IRS4: variants seen among roughly 807,000 people sequenced by gnomAD.
IRS4 encodes 160 kDa phosphotyrosine protein.
Under a neutral mutation model 48.6 loss-of-function variants are expected in IRS4, and 15 were observed. That is an observed-to-expected ratio of 0.31 (90% CI 0.21 to 0.48). The LOEUF (loss-of-function observed/expected upper bound fraction) is 0.48, where lower values mean the gene tolerates loss of function less well. Among genes scored for constraint, IRS4 ranks in the 20% least tolerant of loss-of-function variants. The probability of loss-of-function intolerance (pLI) is 0.99; values close to 1 mark genes in which losing one functional copy is unlikely to be tolerated. For missense variants in IRS4, 987 were observed against 1,023.4 expected (o/e 0.96, Z 0.49); for synonymous variants, 459 against 413.2 (o/e 1.11, Z -1.34).
In IRS4 at chrX:108,734,612, T is replaced by G. The variant is rs760432871; in HGVS notation, c.1733A>C (p.Asp578Ala). 5 of 1,210,764 alleles carry G rather than the reference T, an allele frequency of 4.1e-6. No individual in the cohort carries two copies. In the South Asian group the frequency reaches 7.0e-5, roughly 17 times the overall value. ...HGSGGGQGPGDGHGSGGGKNS... is the reference protein window; with the variant it reads ...HGSGGGQGPGAGHGSGGGKNS... ...CTTGCCACCACCTGAGCCATGGCCA[T>G]CTCCAGGTCCCTGGCCACCACCTGA... Residue 578 changes from aspartate to alanine, a missense_variant, in exon 1 of 2, where the codon GAT (aspartate) becomes GCT (alanine). Physicochemically the swap from Asp to Ala is moderately radical, Grantham distance 126. Transcript: ENST00000372129.
At chrX:108,728,596 G>C (rs755003712) in intron 1 of IRS4, among the ~76,000 whole-genome samples, 1 of 112,066 alleles carries the variant, frequency 8.9e-6, no homozygotes, top group South Asian at 3.7e-4. Flanking sequence ...GTAAAATAAT[G>C]AATGTGAATG....
At chrX:108,723,216 C>T (rs989673470) in intron 1 of IRS4, 3 of 111,670 alleles carry the variant, frequency 2.7e-5, no homozygotes, top group Non-Finnish European at 5.6e-5. Context: ...ATCAGGTCAC[C>T]ACAAAGTACC....
chrX:108,731,716 T>A (rs1385696625), intron 1 of IRS4, among the ~76,000 whole-genome samples: 3 of 111,941 alleles, frequency 2.7e-5, no homozygotes. Flanking sequence ...GATATATGAA[T>A]TAAATGTTTT....
In IRS4 at chrX:108,736,383, G is replaced by T. The variant is rs201968381; in HGVS notation, c.-39C>A. 2 of 1,206,599 alleles carry T rather than the reference G, an allele frequency of 1.7e-6. No homozygotes were observed. Among genetic ancestry groups the T allele is most frequent in the Non-Finnish European group, 2.2e-6 (2 of 894,146 alleles). ...GGTTTTAAGGTGAGCGAGGAGGAGG[G>T]GGAATTCAGGAAAGGGAGGGTTGGG... On this transcript the variant is annotated 5_prime_UTR_variant, in exon 1 of 2. Coordinates refer to ENST00000372129, the MANE Select transcript of IRS4 (RefSeq NM_001379150.1).
intron 1 of IRS4, 40 bp downstream of exon 1, chrX:108,732,539 G>T: frequency 8.3e-7 from 1 of 1,210,076 alleles, no homozygotes; most frequent in South Asian, 1.8e-5. Flanking sequence ...ATTAGACAAT[G>T]ACCATTCACT....
chrX:108,733,546 T>G lies in IRS4; in HGVS notation c.2799A>C (p.Thr933=), dbSNP rs1435177218. 1 of 1,211,413 alleles carries G rather than the reference T, an allele frequency of 8.3e-7. No homozygotes were observed. The highest frequency in any genetic ancestry group is 1.1e-6 in the Non-Finnish European group (1 of 894,847). ...NMDFTKRESN[T]PAPSTQGLPD... is the part of the protein sequence containing the mutation. ...GTAGTCCTTGAGTAGAGGGAGCTGG[T>G]GTATTGCTCTCTCTTTTAGTGAAGT... The change falls in exon 1 of 2, where the codon ACA becomes ACC. Residue 933 remains threonine (T), a synonymous_variant. Coordinates refer to ENST00000372129, the MANE Select transcript of IRS4 (RefSeq NM_001379150.1).
chrX:108,726,311 T>A (rs2068875110), intron 1 of IRS4: 1 of 112,012 alleles, frequency 8.9e-6, no homozygotes, highest in African/African-American at 3.2e-5. Context: ...AAGATGTATG[T>A]GAAGTTTCAG....
At position 108,734,914 on chromosome X, in the gene IRS4, T is replaced by C; in HGVS notation, c.1431A>G (p.Lys477=). ...CACCTCCGCTTCCTTCCTGATCTTCTTTGCCCTGGGGATTGCCTTCCTCCC... is the reference window on the plus strand; with the variant it reads ...CACCTCCGCTTCCTTCCTGATCTTCCTTGCCCTGGGGATTGCCTTCCTCCC... ...NFGEEGNPQG[K]EDQEGSGGDY... Residue 477 remains lysine, a synonymous_variant, in exon 1 of 2, where the codon AAA becomes AAG. Coordinates refer to ENST00000372129, the MANE Select transcript of IRS4 (RefSeq NM_001379150.1). 8.3e-7 allele frequency: 1 copy of C among 1,212,009 alleles called. No individual in the cohort carries two copies. The highest frequency in any genetic ancestry group is 1.1e-6 in the Non-Finnish European group (1 of 895,594).
rs1443796192 is a variant in IRS4 at position 108,727,278 on chromosome X, T to A, written c.3767-4755A>T. 1.1e-4 allele frequency among the ~76,000 whole-genome samples: 12 copies of A among 112,250 alleles called. No individual in the cohort carries two copies. The Admixed American group carries it at 1.1e-3, about 11-fold the overall frequency. On this transcript the variant is annotated intron_variant, in intron 1 of 1. Coordinates refer to ENST00000372129, the MANE Select transcript of IRS4 (RefSeq NM_001379150.1). Reference sequence around the variant, plus strand: ...GAAAGGTACCCTCTAAAAATGCATATCTAAAACAGTATATAATTTACACTA... The same window carrying A: ...GAAAGGTACCCTCTAAAAATGCATAACTAAAACAGTATATAATTTACACTA...
rs749125206 is a variant in IRS4 at position 108,735,071 on chromosome X, G to T, written c.1274C>A (p.Ala425Glu). 8.3e-7 allele frequency: 1 copy of T among 1,211,791 alleles called. No homozygotes were observed. The highest frequency in any genetic ancestry group is 1.1e-6 in the Non-Finnish European group (1 of 895,559). Reference protein sequence around the residue: ...HLPRGRRSRRAVSVPASFFRR... With the variant: ...HLPRGRRSRREVSVPASFFRR... ...AAAAAAGCTGGCCGGCACTGAAACC[G>T]CTCTCCTTGACCTGCGCCCTCTGGG... The change falls in exon 1 of 2, where the codon GCG (alanine) becomes GAG (glutamate). Residue 425 changes from alanine (A) to glutamate (E), a missense_variant. Ala to Glu is a moderately radical substitution (Grantham distance 107). Transcript: ENST00000372129.
rs1345808214 is a variant in IRS4, at chrX:108,721,016, T to C, written c.*1503A>G. 2 of 113,056 alleles carry C rather than the reference T, an allele frequency of 1.8e-5. No individual in the cohort carries two copies. The highest frequency in any genetic ancestry group is 6.4e-5 in the African/African-American group (2 of 31,159). 9.3% of individuals were successfully genotyped at this position (113,056 alleles called of 1,213,427 possible). ...AGTAGTGAAAACCTTTAGATAAATATTACACTACTTCAAAGTTGCACATTA... is the reference window on the plus strand; with the variant it reads ...AGTAGTGAAAACCTTTAGATAAATACTACACTACTTCAAAGTTGCACATTA... On this transcript the variant is annotated 3_prime_UTR_variant, in exon 2 of 2. Coordinates refer to ENST00000372129, the MANE Select transcript of IRS4 (RefSeq NM_001379150.1).
intron 1 of IRS4, among the ~76,000 whole-genome samples, chrX:108,728,202 C>G (rs1328101982): frequency 8.9e-6 from 1 of 111,819 alleles, no homozygotes; most frequent in East Asian, 2.8e-4. Context: ...CTCCCTATAT[C>G]AGATTTAAAA....
At position 108,735,822 on chromosome X, in the gene IRS4, C is replaced by T; in HGVS notation, c.523G>A (p.Glu175Lys). 4 of 1,209,222 alleles carry T rather than the reference C, an allele frequency of 3.3e-6. No individual in the cohort carries two copies. The highest frequency in any genetic ancestry group is 4.5e-6 in the Non-Finnish European group (4 of 894,574). Residue 175 changes from glutamate to lysine, a missense_variant, in exon 1 of 2, where the codon GAA becomes AAA. Physicochemically the swap from Glu to Lys is moderately conservative, Grantham distance 56 (BLOSUM62 1). Coordinates refer to ENST00000372129, the MANE Select transcript of IRS4 (RefSeq NM_001379150.1). ...TTCTCGGCCACCATCGCGAAGTATT[C>T]GTCTTGGGTGAAAAGAGCAATGAGG... ...RHLIALFTQDEYFAMVAENES... is the reference protein window; with the variant it reads ...RHLIALFTQDKYFAMVAENES...
At position 108,734,503 on chromosome X, in the gene IRS4, G is replaced by A; in HGVS notation, c.1842C>T (p.Ser614=). The A allele has an allele frequency of 8.3e-7, 1 of 1,211,629 alleles. No individual in the cohort carries two copies. Among genetic ancestry groups the A allele is most frequent in the Non-Finnish European group, 1.1e-6 (1 of 895,498 alleles). The change falls in exon 1 of 2, where the codon TCC becomes TCT. Residue 614 remains serine, a synonymous_variant. Coordinates refer to ENST00000372129, the MANE Select transcript of IRS4 (RefSeq NM_001379150.1). ...TGCTTTGAGTTAATTTGCCAAAATA[G>A]GATCTTTTCTTCAGAGATTTTCCAC... ...GERGKSLKKR[S]YFGKLTQSKQ...
rs774511400 is a variant in IRS4 at position 108,734,099 on chromosome X, C to T, written c.2246G>A (p.Arg749Lys). ...ACTCGGAGCAGGTGGTGGGCTCACT[C>T]TGGGAAACATCATCATGTACCCTCT... Reference protein sequence around the residue: ...DSRGYMMMFPRVSPPPAPSPP... With the variant: ...DSRGYMMMFPKVSPPPAPSPP... Residue 749 changes from arginine (R) to lysine (K), a missense_variant, in exon 1 of 2, where the codon AGA (arginine) becomes AAA (lysine). Physicochemically the swap from Arg to Lys is conservative, Grantham distance 26. Transcript: ENST00000372129. The T allele has an allele frequency of 4.1e-5, 49 of 1,209,549 alleles. No homozygotes were observed. The highest frequency in any genetic ancestry group is 1.6e-5 in the Non-Finnish European group (14 of 895,174).
At chrX:108,729,843 T>G (rs1264804505) in intron 1 of IRS4, among the ~76,000 whole-genome samples, 2 of 112,135 alleles carry the variant, frequency 1.8e-5, no homozygotes, top group Non-Finnish European at 3.8e-5. Flanking sequence ...GTATTTTAAA[T>G]GCAAGTAAAG....
rs1173231607 is a variant in IRS4, at chrX:108,735,616, C to A, written c.729G>T (p.Gly243=). The A allele has an allele frequency of 7.5e-6, 9 of 1,204,934 alleles. No individual in the cohort carries two copies. Among genetic ancestry groups the A allele is most frequent in the African/African-American group, 1.8e-5 (1 of 55,850 alleles). The change falls in exon 1 of 2, where the codon GGG becomes GGT. Residue 243 remains glycine (G), a synonymous_variant. Transcript: ENST00000372129. ...DVWQVIVKPR[G]LGHRKELSGV... Reference sequence around the variant, plus strand: ...CGCTCAGCTCTTTTCTGTGCCCCAGCCCCCTGGGTTTGACTATTACCTGCC... The same window carrying A: ...CGCTCAGCTCTTTTCTGTGCCCCAGACCCCTGGGTTTGACTATTACCTGCC...
chrX:108,735,351 A>C lies in IRS4; in HGVS notation c.994T>G (p.Cys332Gly). Reference protein sequence around the residue: ...ELFLEKMRALCADEYRARCRS... With the variant: ...ELFLEKMRALGADEYRARCRS... The stretch of plus-strand genomic sequence containing the variant: ...CAGCGGGCTCTGTATTCGTCTGCAC[A>C]CAAGGCTCTCATCTTCTCCAAAAAC... The change falls in exon 1 of 2, where the codon TGT becomes GGT. Residue 332 changes from cysteine (C) to glycine (G), a missense_variant. Cys to Gly is a radical substitution (Grantham distance 159). Around this residue, in one of 4 missense-constraint regions of IRS4, gnomAD observed 74 missense variants for 100.4 expected, o/e 0.74. Coordinates refer to ENST00000372129, the MANE Select transcript of IRS4 (RefSeq NM_001379150.1). 1 of 1,211,452 alleles carries C rather than the reference A, an allele frequency of 8.3e-7. No homozygotes were observed. Among genetic ancestry groups the C allele is most frequent in the Non-Finnish European group, 1.1e-6 (1 of 895,465 alleles).
At chrX:108,732,484 A>G in intron 1 of IRS4, 95 bp downstream of exon 1, 1 of 1,188,163 alleles carries the variant, frequency 8.4e-7, no homozygotes, top group Non-Finnish European at 1.1e-6. Flanking sequence ...AGCACCAGTT[A>G]ATGAAATAGT....
Sources: gnomAD v4.1 joint callset for allele counts (sites outside exome capture counted in the v4.1 genomes callset) on GRCh38, gnomAD v4.1.1 for gene constraint, gnomAD v4.1.1 regional missense constraint, MANE v1.5 for transcripts, NCBI Gene and HGNC (gene_info 2026-07-23, HGNC 2026-07-21) for gene names.